TGFBR2: variants seen among roughly 807,000 people sequenced by gnomAD.
TGFBR2 encodes the protein transforming growth factor beta receptor 2.
TGFBR2 carries 18 observed loss-of-function variants against 49.0 expected under a neutral mutation model. That is an observed-to-expected ratio of 0.37 (90% CI 0.25 to 0.54). The LOEUF is 0.54. TGFBR2 is among the 20% of genes least tolerant of loss of function. The pLI is 0.85. For synonymous variants in TGFBR2, 282 were observed against 275.9 expected, an observed-to-expected ratio of 1.02 and a Z score of -0.22; for missense variants, 525 against 722.6, an observed-to-expected ratio of 0.73 and a Z score of 3.13.
intron 5 of TGFBR2, among the ~76,000 whole-genome samples, chr3:30,683,738 A>T (rs369242032): frequency 6.6e-6 from 1 of 152,260 alleles, no homozygotes; most frequent in South Asian, 2.1e-4. Flanking sequence ...GCCAAAGTGG[A>T]TTAAACATCC....
intron 1 of TGFBR2, among the ~76,000 whole-genome samples, chr3:30,631,621 C>CTTTTTTTTTTTTTTTTT (rs71093918): frequency 8.7e-6 from 1 of 115,382 alleles, no homozygotes; most frequent in African/African-American, 3.1e-5. Context: ...CAACTTCTTT[C>CTTTTTTTTTTTTTTTTT]TTTTTTTTTT....
At chr3:30,650,796 G>A (rs926224302) in intron 3 of TGFBR2, among the ~76,000 whole-genome samples, 11 of 152,200 alleles carry the variant, frequency 7.2e-5, no homozygotes, top group Non-Finnish European at 1.5e-4. Context: ...CCCACTAAAT[G>A]AGAAACATAG....
chr3:30,677,473 T>C (rs1228601476), intron 5 of TGFBR2, among the ~76,000 whole-genome samples: 1 of 152,240 alleles, frequency 6.6e-6, no homozygotes, highest in African/African-American at 2.4e-5. Flanking sequence ...AGGTTATTTA[T>C]CCATCCTCAC....
intron 1 of TGFBR2, among the ~76,000 whole-genome samples, chr3:30,624,901 C>T (rs1324078734): frequency 6.6e-6 from 1 of 151,868 alleles, no homozygotes; most frequent in Non-Finnish European, 1.5e-5. Flanking sequence ...CATTGTGATG[C>T]TTTGTTCTCA....
chr3:30,616,629 A>G (rs1698138696), intron 1 of TGFBR2, among the ~76,000 whole-genome samples: 1 of 152,214 alleles, frequency 6.6e-6, no homozygotes, highest in South Asian at 2.1e-4. Context: ...ATTCTTTGTT[A>G]TCCCTGTACT....
At position 30,674,148 on chromosome 3, in the gene TGFBR2, G is replaced by A. The variant is rs1699392675; in HGVS notation, c.1298G>A (p.Arg433Lys). 6.2e-7 allele frequency: 1 copy of A among 1,614,162 alleles called. No individual in the cohort carries two copies. Among genetic ancestry groups the A allele is most frequent in the Non-Finnish European group, 8.5e-7 (1 of 1,180,020 alleles). The change falls in exon 5 of 7, where the codon AGG becomes AAG. Residue 433 changes from arginine to lysine, a missense_variant. This residue lies in a region of TGFBR2 where 45 missense variants were observed against 111.0 expected (regional missense o/e 0.41). Coordinates refer to ENST00000295754, the MANE Select transcript of TGFBR2 (RefSeq NM_003242.6). The part of the protein sequence containing the change: ...RYMAPEVLES[R>K]MNLENVESFK... The stretch of plus-strand genomic sequence containing the variant: ...ATGGCTCCAGAAGTCCTAGAATCCA[G>A]GATGAATTTGGAGAATGTTGAGTCC...
intron 1 of TGFBR2, among the ~76,000 whole-genome samples, chr3:30,633,472 CTT>C (rs1284886207): frequency 6.6e-6 from 1 of 152,178 alleles, no homozygotes; most frequent in Non-Finnish European, 1.5e-5. Flanking sequence ...TAAATCATGA[CTT>C]TTTGCATTCT....
At chr3:30,640,468 A>G (rs1039706306) in intron 1 of TGFBR2, among the ~76,000 whole-genome samples, 3 of 152,180 alleles carry the variant, frequency 2.0e-5, no homozygotes, top group African/African-American at 7.2e-5. Context: ...TAACTCCCTT[A>G]TATAAAATTG....
At chr3:30,624,115 C>A (rs1482923774) in intron 1 of TGFBR2, among the ~76,000 whole-genome samples, 18 of 152,018 alleles carry the variant, frequency 1.2e-4, no homozygotes, top group Admixed American at 1.2e-3. Context: ...TGCACTCCAG[C>A]CTGGGCAACA....
At chr3:30,643,138 GAC>G (rs920271319) in intron 1 of TGFBR2, among the ~76,000 whole-genome samples, 5 of 152,262 alleles carry the variant, frequency 3.3e-5, no homozygotes, top group Admixed American at 6.5e-5. Context: ...AAATTCACAG[GAC>G]AGAGAGTGAC....
chr3:30,662,703 C>T (rs1699156335), intron 3 of TGFBR2, among the ~76,000 whole-genome samples: 1 of 152,130 alleles, frequency 6.6e-6, no homozygotes, highest in Non-Finnish European at 1.5e-5. Flanking sequence ...AAGCATATCT[C>T]ATTCTACACT....
At chr3:30,648,460 A>ACACACACACACACACACACCCACC (rs1553627538) in intron 2 of TGFBR2, among the ~76,000 whole-genome samples, 19 of 142,482 alleles carry the variant, frequency 1.3e-4, no homozygotes, top group Admixed American at 8.4e-4. Context: ...ACACACACAC[A>ACACACACACACACACACACCCACC]CAAAACTGTG....
chr3:30,652,996 G>A (rs2125413365), intron 3 of TGFBR2, among the ~76,000 whole-genome samples: 1 of 152,228 alleles, frequency 6.6e-6, no homozygotes, highest in East Asian at 1.9e-4. Flanking sequence ...CTTATGAAGT[G>A]AGATAATAAG....
chr3:30,648,148 T>G (rs915390479), intron 2 of TGFBR2, among the ~76,000 whole-genome samples: 2 of 152,182 alleles, frequency 1.3e-5, no homozygotes, highest in Non-Finnish European at 2.9e-5. Flanking sequence ...TAGCTGTGCC[T>G]GGCTGTTACA....
intron 1 of TGFBR2, among the ~76,000 whole-genome samples, chr3:30,611,910 C>T (rs1000475674): frequency 2.0e-5 from 3 of 152,132 alleles, no homozygotes; most frequent in East Asian, 1.9e-4. Flanking sequence ...TAGCTTCTAC[C>T]CTCCAGGTCC....
At chr3:30,640,269 G>A (rs142356839) in intron 1 of TGFBR2, among the ~76,000 whole-genome samples, 23 of 152,298 alleles carry the variant, frequency 1.5e-4, no homozygotes, top group Non-Finnish European at 2.4e-4. Context: ...CTAGGTGACA[G>A]ATATTCTTAT....
chr3:30,675,950 C>A (rs1188492636), intron 5 of TGFBR2, among the ~76,000 whole-genome samples: 1 of 152,192 alleles, frequency 6.6e-6, no homozygotes, highest in Non-Finnish European at 1.5e-5. Context: ...ATCTAATGTG[C>A]ATGCCTCCTT....
intron 2 of TGFBR2, among the ~76,000 whole-genome samples, chr3:30,649,005 T>C (rs985323616): frequency 1.3e-5 from 2 of 152,234 alleles, no homozygotes; most frequent in East Asian, 3.9e-4. Context: ...CTGCCTTCCG[T>C]TTTCCTTGCT....
Position 30,693,297 on chromosome 3 carries a change from T to C in TGFBR2, c.*1698T>C, listed in dbSNP as rs1418524269. 1 of 233,818 alleles carries C rather than the reference T, an allele frequency of 4.3e-6. No homozygotes were observed. Among genetic ancestry groups the C allele is most frequent in the Non-Finnish European group, 8.5e-6 (1 of 118,020 alleles). The allele number at this position is 233,818 out of a possible 1,614,324, so 14.5% of individuals were successfully genotyped here. ...GAAATTACTAGAGAGGATTTGAATG[T>C]GGGACACAAAGGTCCCATTTGCAGT... On this transcript the variant is annotated 3_prime_UTR_variant, in exon 7 of 7. Transcript: ENST00000295754.
Sources: allele counts gnomAD v4.1 joint callset (sites outside exome capture counted in the v4.1 genomes callset), GRCh38; gene constraint gnomAD v4.1.1; regional missense constraint gnomAD v4.1.1; transcripts MANE v1.5; gene names NCBI Gene and HGNC (gene_info 2026-07-23, HGNC 2026-07-21).